KCNIP4: variants seen among roughly 807,000 people sequenced by gnomAD.
The protein encoded by KCNIP4 is potassium voltage-gated channel interacting protein 4.
KCNIP4 carries 12 observed loss-of-function variants against 34.0 expected under a neutral mutation model. That is an observed-to-expected ratio of 0.35 (90% CI 0.23 to 0.57). KCNIP4 has a LOEUF of 0.57. Ranked by LOEUF, KCNIP4 falls within the 20% of genes least tolerant of loss-of-function variation. The pLI, the probability that KCNIP4 is intolerant of heterozygous loss-of-function variation, is 0.83. For missense variants in KCNIP4, 238 were observed against 311.7 expected (o/e 0.76, Z 1.78); for synonymous variants, 124 against 102.2 (o/e 1.21, Z -1.29).
chr4:21,523,208 C>G lies in KCNIP4; in HGVS notation c.61+425363G>C, dbSNP rs138471390. 4.6e-3 allele frequency among the ~76,000 whole-genome samples: 704 copies of G among 152,020 alleles called. 10 individuals are homozygous for G. Among genetic ancestry groups the G allele is most frequent in the African/African-American group, 0.016 (660 of 41,456 alleles). On this transcript the variant is annotated intron_variant, in intron 1 of 8. Coordinates refer to ENST00000382152, the MANE Select transcript of KCNIP4 (RefSeq NM_025221.6). ...TAATTTTCTGTTATTTATAAGGTAC[C>G]AAGCTTATGGTATTTTGTTAAAGAA...
At chr4:21,547,116 G>T (rs1490342761) in intron 1 of KCNIP4, among the ~76,000 whole-genome samples, 1 of 152,056 alleles carries the variant, frequency 6.6e-6, no homozygotes, top group Non-Finnish European at 1.5e-5. Flanking sequence ...TAGGACAAAT[G>T]AATGTGGAGT....
At chr4:20,951,542 T>C (rs757409627) in intron 1 of KCNIP4, among the ~76,000 whole-genome samples, 28 of 152,200 alleles carry the variant, frequency 1.8e-4, no homozygotes, top group Non-Finnish European at 3.8e-4. Context: ...GTAGTTTCCT[T>C]CTTAATAAAA....
chr4:21,158,968 TTAAA>T (rs1278473941), intron 1 of KCNIP4, among the ~76,000 whole-genome samples: 1 of 152,178 alleles, frequency 6.6e-6, no homozygotes, highest in Non-Finnish European at 1.5e-5. Context: ...TAAATTGAAA[TTAAA>T]TATTATTTAT....
intron 1 of KCNIP4, among the ~76,000 whole-genome samples, chr4:21,625,207 TTAAC>T (rs1275144143): frequency 6.6e-6 from 1 of 152,086 alleles, no homozygotes; most frequent in African/African-American, 2.4e-5. Context: ...GCAGTACTAC[TTAAC>T]TATTTTTTAC....
intron 1 of KCNIP4, among the ~76,000 whole-genome samples, chr4:21,015,121 T>G (rs1189080547): frequency 6.6e-6 from 1 of 151,918 alleles, no homozygotes; most frequent in Non-Finnish European, 1.5e-5. Context: ...GATAAGGAAC[T>G]CTGCGGAGAG....
chr4:21,131,148 G>A (rs1751039026), intron 1 of KCNIP4, among the ~76,000 whole-genome samples: 1 of 152,088 alleles, frequency 6.6e-6, no homozygotes, highest in African/African-American at 2.4e-5. Flanking sequence ...AAAAGCAAAA[G>A]CAATCATCAA....
At chr4:20,854,705 C>G (rs1463434607) in intron 2 of KCNIP4, among the ~76,000 whole-genome samples, 5 of 152,104 alleles carry the variant, frequency 3.3e-5, no homozygotes, top group Non-Finnish European at 7.4e-5. Flanking sequence ...GATATTTTGC[C>G]TTGGGCTACA....
rs1027954603 is a variant in KCNIP4 at position 21,794,922 on chromosome 4, G to A, written c.61+153649C>T. Among the ~76,000 whole-genome samples the A allele has an allele frequency of 5.3e-5, 8 of 151,892 alleles. No homozygotes were observed. In the East Asian group the frequency reaches 5.8e-4, roughly 11 times the overall value. On this transcript the variant is annotated intron_variant, in intron 1 of 8. Transcript: ENST00000382152. ...CGAACAAACAAACAAATAAACAAAC[G>A]AACAAAAACTCACTGAGACCTGAAG...
chr4:20,731,358 G>A (rs1249485299), intron 8 of KCNIP4: 3 of 974,380 alleles, frequency 3.1e-6, no homozygotes, highest in East Asian at 1.1e-4. Context: ...ACAGTTGTGA[G>A]CTACTGTACC....
chr4:21,170,970 A>G (rs1753982894), intron 1 of KCNIP4, among the ~76,000 whole-genome samples: 1 of 152,208 alleles, frequency 6.6e-6, no homozygotes, highest in Admixed American at 6.5e-5. Context: ...GATAGAAAAG[A>G]GCTTTGCCTT....
intron 1 of KCNIP4, among the ~76,000 whole-genome samples, chr4:20,953,548 G>T (rs888375501): frequency 3.3e-5 from 5 of 152,088 alleles, no homozygotes; most frequent in Non-Finnish European, 4.4e-5. Flanking sequence ...CTGGCATGAT[G>T]GTGGACATCT....
chr4:21,756,840 T>C (rs1254884032), intron 1 of KCNIP4, among the ~76,000 whole-genome samples: 1 of 151,924 alleles, frequency 6.6e-6, no homozygotes. Context: ...CTCACGCCTG[T>C]AATCCCAGCA....
At chr4:21,417,724 G>C (rs1186165328) in intron 1 of KCNIP4, among the ~76,000 whole-genome samples, 4 of 152,124 alleles carry the variant, frequency 2.6e-5, no homozygotes, top group Admixed American at 6.6e-5. Flanking sequence ...TTCTCCCTTT[G>C]TGGGGCAGAA....
intron 1 of KCNIP4, among the ~76,000 whole-genome samples, chr4:21,235,055 T>A (rs1577935030): frequency 6.6e-6 from 1 of 152,162 alleles, no homozygotes; most frequent in East Asian, 1.9e-4. Context: ...TCAGGTCTTA[T>A]AACTACTATA....
chr4:20,784,740 T>C (rs1255572310), intron 3 of KCNIP4, among the ~76,000 whole-genome samples: 3 of 152,190 alleles, frequency 2.0e-5, no homozygotes, highest in Non-Finnish European at 4.4e-5. Flanking sequence ...AGCATCTTTC[T>C]TGCTGTCAGT....
At chr4:21,842,545 G>T (rs941331114) in intron 1 of KCNIP4, among the ~76,000 whole-genome samples, 2 of 151,914 alleles carry the variant, frequency 1.3e-5, no homozygotes, top group African/African-American at 4.8e-5. Context: ...ATGTACAAAG[G>T]CTGTATTTTA....
intron 1 of KCNIP4, among the ~76,000 whole-genome samples, chr4:21,360,750 TAA>T (rs1051269108): frequency 6.6e-6 from 1 of 152,060 alleles, no homozygotes; most frequent in African/African-American, 2.4e-5. Context: ...ATGTTATTCA[TAA>T]AAACGTAGGT....
chr4:21,309,224 AG>A (rs995372040), intron 1 of KCNIP4, among the ~76,000 whole-genome samples: 1 of 152,162 alleles, frequency 6.6e-6, no homozygotes, highest in African/African-American at 2.4e-5. Context: ...AAGAAGAGAA[AG>A]GGGGCGAACT....
intron 1 of KCNIP4, among the ~76,000 whole-genome samples, chr4:20,997,557 C>T (rs990216803): frequency 6.6e-5 from 10 of 152,138 alleles, no homozygotes; most frequent in Non-Finnish European, 5.9e-5. Flanking sequence ...AACTGCACAA[C>T]CAAGACTTAG....
Sources: gnomAD v4.1 joint callset for allele counts (sites outside exome capture counted in the v4.1 genomes callset) on GRCh38, gnomAD v4.1.1 for gene constraint, MANE v1.5 for transcripts, NCBI Gene and HGNC (gene_info 2026-07-23, HGNC 2026-07-21) for gene names.